The following TXLNB variants were observed in gnomAD, a reference collection of about 807,000 sequenced individuals.
TXLNB encodes taxilin beta, also known as beta-taxilin.
Under a neutral mutation model 57.4 loss-of-function variants are expected in TXLNB, and 37 were observed. The observed-to-expected ratio is 0.64, with a 90% CI of 0.50 to 0.85. The LOEUF is 0.85. Ranked by LOEUF, TXLNB falls within the 40% of genes least tolerant of loss-of-function variation. The probability of loss-of-function intolerance (pLI) is 0.00; values close to 1 mark genes in which losing one functional copy is unlikely to be tolerated. For synonymous variants in TXLNB, 302 were observed against 309.6 expected (o/e 0.98, Z 0.26); for missense variants, 848 against 825.6 (o/e 1.03, Z -0.33).
chr6:139,215,531 A>C, the TXLNB span, among the ~76,000 whole-genome samples: 14 of 152,226 alleles, frequency 9.2e-5, no homozygotes, highest in Non-Finnish European at 1.5e-4. Flanking sequence ...CCCTAGAAGA[A>C]AACCTAGGCA....
the TXLNB span, among the ~76,000 whole-genome samples, chr6:139,159,724 CACTT>C: frequency 1.3e-5 from 2 of 152,254 alleles, no homozygotes; most frequent in South Asian, 2.1e-4. Flanking sequence ...ATTTATTAAA[CACTT>C]ATTTATGCAG....
At chr6:139,162,356 G>C in the TXLNB span, among the ~76,000 whole-genome samples, 1 of 152,116 alleles carries the variant, frequency 6.6e-6, no homozygotes, top group African/African-American at 2.4e-5. Context: ...CATGTGTATA[G>C]TTTTTTTCAT....
At chr6:139,234,323 G>T in the TXLNB span, 1 of 152,216 alleles carries the variant, frequency 6.6e-6, no homozygotes, top group Non-Finnish European at 1.5e-5. Flanking sequence ...AATAGGGAAA[G>T]TGTCTCCAGG....
At chr6:139,219,437 G>C in the TXLNB span, among the ~76,000 whole-genome samples, 1 of 152,214 alleles carries the variant, frequency 6.6e-6, no homozygotes, top group Non-Finnish European at 1.5e-5. Context: ...CTGTATGTTT[G>C]GGCAAGCAGG....
At chr6:139,194,336 T>C in the TXLNB span, among the ~76,000 whole-genome samples, 47 of 152,286 alleles carry the variant, frequency 3.1e-4, no homozygotes, top group Admixed American at 2.7e-3. Context: ...AGGGAGTGAA[T>C]GATTTTGAAT....
chr6:139,253,373 A>T (rs1248657188), intron 7 of TXLNB, among the ~76,000 whole-genome samples: 2 of 152,224 alleles, frequency 1.3e-5, no homozygotes, highest in African/African-American at 4.8e-5. Context: ...TACCAGAAAC[A>T]ACTACATTTT....
At chr6:139,323,563 G>A in the TXLNB span, among the ~76,000 whole-genome samples, 1 of 152,144 alleles carries the variant, frequency 6.6e-6, no homozygotes, top group African/African-American at 2.4e-5. Context: ...GATTACAGGC[G>A]TGAGCCACCG....
chr6:139,255,572 G>A lies in TXLNB; in HGVS notation c.1069C>T (p.Gln357Ter). ...CGTCCACCTGGCCTCACCTGAGCCT[G>A]CAGGACTGTCTCTTGCTCCTTCAGC... ...KVLKEQETVL[Q>*]AQLTLYSGRF... The change falls in exon 7 of 10, where the codon CAG becomes TAG. Residue 357 changes from glutamine (Q) to a stop codon, truncating the protein, a stop_gained. Coordinates refer to ENST00000358430, the MANE Select transcript of TXLNB (RefSeq NM_153235.4). LOFTEE classifies it high-confidence loss of function. The A allele has an allele frequency of 6.2e-7, 1 of 1,613,788 alleles. No homozygotes were observed. Among genetic ancestry groups the A allele is most frequent in the Non-Finnish European group, 8.5e-7 (1 of 1,179,782 alleles).
the TXLNB span, among the ~76,000 whole-genome samples, chr6:139,216,877 G>A: frequency 1.3e-5 from 2 of 152,150 alleles, no homozygotes; most frequent in East Asian, 1.9e-4. Context: ...AAGAGTTGGA[G>A]GGGGTTAGGG....
At chr6:139,285,996 G>T (rs1562289716) in intron 2 of TXLNB, among the ~76,000 whole-genome samples, 1 of 148,474 alleles carries the variant, frequency 6.7e-6, no homozygotes, top group Admixed American at 6.7e-5. Flanking sequence ...GTTCCCTTTG[G>T]CTTACATTTT....
the TXLNB span, among the ~76,000 whole-genome samples, chr6:139,216,129 T>C: frequency 6.6e-6 from 1 of 152,144 alleles, no homozygotes; most frequent in South Asian, 2.1e-4. Context: ...ACTGGGTATA[T>C]ACCCAAAGGA....
chr6:139,272,496 T>C (rs961649026), intron 3 of TXLNB, among the ~76,000 whole-genome samples: 32 of 152,198 alleles, frequency 2.1e-4, no homozygotes, highest in African/African-American at 6.5e-4. Context: ...TCTTCATACT[T>C]ATGTGCAATT....
At chr6:139,218,431 T>C in the TXLNB span, among the ~76,000 whole-genome samples, 1 of 152,172 alleles carries the variant, frequency 6.6e-6, no homozygotes, top group Non-Finnish European at 1.5e-5. Context: ...ACTTAGGGCA[T>C]CTGCAAAGCA....
the TXLNB span, among the ~76,000 whole-genome samples, chr6:139,162,956 A>G: frequency 2.0e-5 from 3 of 152,288 alleles, no homozygotes; most frequent in Non-Finnish European, 2.9e-5. Flanking sequence ...CCTGCCCTAC[A>G]GTTACCCTCT....
At chr6:139,315,480 A>G in the TXLNB span, among the ~76,000 whole-genome samples, 1 of 152,254 alleles carries the variant, frequency 6.6e-6, no homozygotes, top group African/African-American at 2.4e-5. Context: ...AGTTATGAGT[A>G]AAATTCATGT....
the TXLNB span, chr6:139,169,530 T>C: frequency 6.6e-6 from 1 of 152,256 alleles, no homozygotes; most frequent in Non-Finnish European, 1.5e-5. Flanking sequence ...GAATTGTACC[T>C]AACTCCCTTT....
At chr6:139,269,873 C>G (rs540980564) in intron 4 of TXLNB, among the ~76,000 whole-genome samples, 1 of 152,118 alleles carries the variant, frequency 6.6e-6, no homozygotes, top group Non-Finnish European at 1.5e-5. Context: ...TAATGAAACC[C>G]GTGCAGACCA....
downstream of TXLNB, among the ~76,000 whole-genome samples, chr6:139,239,861 G>A (rs938399127): frequency 1.3e-4 from 19 of 149,854 alleles, no homozygotes; most frequent in African/African-American, 4.5e-4. This position sits in a 1 kb window ranked among gnomAD's most constrained non-coding sequence, Gnocchi z 4.7. Flanking sequence ...GTCTCTCTCT[G>A]TCTGTCACAT....
At chr6:139,297,729 T>A in the TXLNB span, among the ~76,000 whole-genome samples, 3 of 152,250 alleles carry the variant, frequency 2.0e-5, no homozygotes, top group Non-Finnish European at 4.4e-5. Flanking sequence ...ATAATCTTTT[T>A]AATTAATTCC....
Sources: gnomAD v4.1 joint callset for allele counts (sites outside exome capture counted in the v4.1 genomes callset) on GRCh38, gnomAD v4.1.1 for gene constraint, Gnocchi (gnomAD v3.1) non-coding constraint, MANE v1.5 for transcripts, NCBI Gene and HGNC (gene_info 2026-07-23, HGNC 2026-07-21) for gene names.